Variants in ELMO1 observed in about 807,000 individuals in gnomAD.
ELMO1 encodes engulfment and cell motility 1.
In ELMO1, 26 loss-of-function variants were observed where a neutral mutation model predicts 98.9. That is an observed-to-expected ratio of 0.26 (90% confidence interval 0.19 to 0.36). ELMO1 has a LOEUF of 0.36. ELMO1 is among the 10% of genes least tolerant of loss of function. The pLI, the probability that ELMO1 is intolerant of heterozygous loss-of-function variation, is 1.00. For missense variants in ELMO1, 627 were observed against 935.2 expected (o/e 0.67, Z 4.30); for synonymous variants, 346 against 346.0 (o/e 1.00, Z 0.00).
At position 37,077,600 on chromosome 7, in the gene ELMO1, G is replaced by A. The variant is rs534022239; in HGVS notation, c.1300+19019C>T. ...CAATGGTGATCTGAATTAGAGTGAT[G>A]GGAGTACATATGCAGAAAAATCAGG... is the stretch of plus-strand genomic sequence containing the variant. On this transcript the variant is annotated intron_variant, in intron 15 of 21. Transcript: ENST00000310758. Among the ~76,000 whole-genome samples the A allele has an allele frequency of 5.8e-4, 88 of 152,318 alleles. 1 individual carries two copies. Among genetic ancestry groups the A allele is most frequent in the Admixed American group, 3.9e-3 (59 of 15,304 alleles).
Position 37,182,462 on chromosome 7 carries a change from CT to C in ELMO1, c.1086+28923del, listed in dbSNP as rs59657539. 3.4e-4 allele frequency among the ~76,000 whole-genome samples: 5 copies of C among 14,702 alleles called. 1 individual carries two copies. Among genetic ancestry groups the C allele is most frequent in the Non-Finnish European group, 9.2e-4 (4 of 4,360 alleles). The allele number at this position is 14,702 out of a possible 152,430, so 9.6% of individuals were successfully genotyped here. A position where few individuals can be genotyped will look rare whatever the true frequency, so the allele number is the denominator to read the frequency against. On this transcript the variant is annotated intron_variant, in intron 13 of 21. Coordinates refer to ENST00000310758, the MANE Select transcript of ELMO1 (RefSeq NM_014800.11). The stretch of plus-strand genomic sequence containing the variant: ...AGATCATGAGTGCTCTTGTGCTCTA[CT>C]TTTTTTTTTTTTTTTTTTTTTTTTT...
intron 17 of ELMO1, among the ~76,000 whole-genome samples, chr7:36,888,465 C>T (rs918012202): frequency 6.6e-6 from 1 of 152,058 alleles, no homozygotes; most frequent in Non-Finnish European, 1.5e-5. Context: ...AGAGCCCATT[C>T]CTCATAGCAG....
At chr7:36,895,072 A>G in intron 16 of ELMO1, 55 bp from the exon 17 acceptor site, 2 of 1,598,262 alleles carry the variant, frequency 1.3e-6, no homozygotes, top group Non-Finnish European at 1.7e-6. Flanking sequence ...TCCCATTCAG[A>G]AAAGTCTTTC....
chr7:37,206,746 A>G (rs924308561), intron 13 of ELMO1, among the ~76,000 whole-genome samples: 3 of 152,204 alleles, frequency 2.0e-5, no homozygotes, highest in Admixed American at 2.0e-4. Flanking sequence ...TTTTCCCTCC[A>G]GGATGATCCT....
intron 14 of ELMO1, among the ~76,000 whole-genome samples, chr7:37,132,256 A>G (rs1786973137): frequency 6.6e-6 from 1 of 152,212 alleles, no homozygotes; most frequent in African/African-American, 2.4e-5. Context: ...ACATGCTCTT[A>G]CCATATTTTA....
intron 16 of ELMO1, among the ~76,000 whole-genome samples, chr7:36,914,946 A>G (rs1784586653): frequency 6.6e-6 from 1 of 152,204 alleles, no homozygotes; most frequent in East Asian, 1.9e-4. Context: ...GCTTTCATTT[A>G]GCAAAGCAGT....
At chr7:36,955,435 C>T (rs1788365121) in intron 16 of ELMO1, among the ~76,000 whole-genome samples, 1 of 152,176 alleles carries the variant, frequency 6.6e-6, no homozygotes, top group African/African-American at 2.4e-5. Flanking sequence ...AGGTGTAAAA[C>T]CTTCCTTTAT....
chr7:37,109,230 C>T (rs1181741165), intron 14 of ELMO1, among the ~76,000 whole-genome samples: 2 of 152,190 alleles, frequency 1.3e-5, no homozygotes, highest in Non-Finnish European at 2.9e-5. Context: ...TCTCCCTGGG[C>T]CAAAGCCCAC....
chr7:37,002,535 G>T (rs1433036894), intron 16 of ELMO1, among the ~76,000 whole-genome samples: 1 of 152,190 alleles, frequency 6.6e-6, no homozygotes, highest in East Asian at 1.9e-4. Flanking sequence ...CACAAAGAGG[G>T]ACTAGCCCAT....
At chr7:37,055,617 C>T (rs1018905710) in intron 15 of ELMO1, among the ~76,000 whole-genome samples, 8 of 152,206 alleles carry the variant, frequency 5.3e-5, no homozygotes, top group Admixed American at 2.6e-4. Flanking sequence ...CTCCAGCCCT[C>T]CTGCGGGTGG....
intron 13 of ELMO1, among the ~76,000 whole-genome samples, chr7:37,189,888 G>C (rs191463135): frequency 2.6e-5 from 4 of 152,206 alleles, no homozygotes; most frequent in Non-Finnish European, 5.9e-5. Context: ...TCTAAAAAAT[G>C]ACATTATCAG....
intron 13 of ELMO1, among the ~76,000 whole-genome samples, chr7:37,167,004 T>A (rs999944644): frequency 6.6e-6 from 1 of 152,086 alleles, no homozygotes; most frequent in Non-Finnish European, 1.5e-5. Flanking sequence ...AGGAGTTGCT[T>A]TATGAATCTG....
chr7:37,092,242 C>T (rs1369111199), intron 15 of ELMO1, among the ~76,000 whole-genome samples: 2 of 151,788 alleles, frequency 1.3e-5, no homozygotes, highest in Non-Finnish European at 2.9e-5. Context: ...GATAAAGAAA[C>T]AAGGGACATT....
At chr7:36,939,731 G>C (rs960315025) in intron 16 of ELMO1, among the ~76,000 whole-genome samples, 6 of 152,206 alleles carry the variant, frequency 3.9e-5, no homozygotes, top group Admixed American at 1.3e-4. Context: ...AGAAAGCCAG[G>C]CCGACAAGGA....
chr7:37,170,725 G>A (rs1281879755), intron 13 of ELMO1, among the ~76,000 whole-genome samples: 6 of 151,368 alleles, frequency 4.0e-5, no homozygotes, highest in African/African-American at 1.5e-4. Context: ...TTGTGCCTCA[G>A]CCTCGCAAGT....
intron 15 of ELMO1, among the ~76,000 whole-genome samples, chr7:37,015,454 A>T (rs922470647): frequency 1.3e-5 from 2 of 152,168 alleles, no homozygotes; most frequent in East Asian, 1.9e-4. Context: ...CACAAAAATT[A>T]GCTGGGCATG....
chr7:37,274,628 C>G (rs1005141265), intron 4 of ELMO1, among the ~76,000 whole-genome samples: 3 of 152,168 alleles, frequency 2.0e-5, no homozygotes, highest in Non-Finnish European at 4.4e-5. Context: ...TCTGGGCTCA[C>G]TGTAACCTCC....
chr7:37,034,527 A>G (rs1296460998), intron 15 of ELMO1, among the ~76,000 whole-genome samples: 2 of 152,218 alleles, frequency 1.3e-5, no homozygotes, highest in Non-Finnish European at 2.9e-5. Context: ...GACTCCCCCA[A>G]AACTTTACTA....
intron 16 of ELMO1, among the ~76,000 whole-genome samples, chr7:36,911,359 G>A (rs1447868501): frequency 2.0e-5 from 3 of 152,130 alleles, no homozygotes; most frequent in East Asian, 1.9e-4. Flanking sequence ...AAAGAAAAAC[G>A]AGACATAGGA....
Sources: gnomAD v4.1 joint callset for allele counts (sites outside exome capture counted in the v4.1 genomes callset) on GRCh38, gnomAD v4.1.1 for gene constraint, MANE v1.5 for transcripts, NCBI Gene and HGNC (gene_info 2026-07-23, HGNC 2026-07-21) for gene names.